SLCO1A2: variants seen among roughly 807,000 people sequenced by gnomAD.
SLCO1A2 encodes the protein OATP-1.
SLCO1A2 carries 67 observed loss-of-function variants against 69.0 expected under a neutral mutation model. That is an observed-to-expected ratio of 0.97 (90% CI 0.80 to 1.19). The LOEUF is 1.19. Ranked by LOEUF, SLCO1A2 falls within the 50% of genes most tolerant of loss-of-function variation. The pLI, the probability that SLCO1A2 is intolerant of heterozygous loss-of-function variation, is 0.00. For missense variants in SLCO1A2, 787 were observed against 793.7 expected (o/e 0.99, Z 0.10); for synonymous variants, 260 against 265.9 (o/e 0.98, Z 0.22).
rs774468129 is a variant in SLCO1A2, at chr12:21,293,666, A to T, written c.1437+279T>A. On this transcript the variant is annotated intron_variant, in intron 11 of 14. Coordinates refer to ENST00000683939, the MANE Select transcript of SLCO1A2 (RefSeq NM_001386879.1). ...CCACCAACTTTATTTCAATGATAAA[A>T]TTTTTTTAGTCCAGAGTATTTACAA... Among the ~76,000 whole-genome samples the T allele has an allele frequency of 2.6e-5, 4 of 151,866 alleles. No homozygotes were observed. The East Asian group carries it at 5.8e-4, about 22-fold the overall frequency.
intron 2 of SLCO1A2, among the ~76,000 whole-genome samples, chr12:21,340,590 C>T (rs1953034466): frequency 6.6e-6 from 1 of 152,170 alleles, no homozygotes; most frequent in South Asian, 2.1e-4. Context: ...GTGGGTAACA[C>T]TGACGTAATC....
chr12:21,280,796 G>T (rs1251315369), intron 12 of SLCO1A2, among the ~76,000 whole-genome samples: 1 of 151,916 alleles, frequency 6.6e-6, no homozygotes, highest in Non-Finnish European at 1.5e-5. Flanking sequence ...ATACAAATAT[G>T]AATCCAGCAC....
chr12:21,369,802 G>A (rs887275267), intron 2 of SLCO1A2, among the ~76,000 whole-genome samples: 9 of 152,118 alleles, frequency 5.9e-5, no homozygotes, highest in African/African-American at 2.2e-4. Flanking sequence ...AGGCTAGAGG[G>A]GATACCAAGA....
chr12:21,361,410 T>G (rs1938868102), intron 2 of SLCO1A2, among the ~76,000 whole-genome samples: 1 of 152,144 alleles, frequency 6.6e-6, no homozygotes, highest in African/African-American at 2.4e-5. Context: ...AGACGAAATG[T>G]AGATAAAACC....
At chr12:21,403,992 C>G (rs1941781472) in intron 1 of SLCO1A2, among the ~76,000 whole-genome samples, 1 of 151,860 alleles carries the variant, frequency 6.6e-6, no homozygotes, top group Non-Finnish European at 1.5e-5. Flanking sequence ...AAAATGACAC[C>G]AAAACGGGAA....
intron 8 of SLCO1A2, among the ~76,000 whole-genome samples, chr12:21,298,855 T>G (rs1053527923): frequency 5.3e-5 from 8 of 152,194 alleles, no homozygotes; most frequent in African/African-American, 1.9e-4. Context: ...TTTGCAAGAT[T>G]CTGAGTTGGC....
Position 21,276,554 on chromosome 12 carries a change from AC to A in SLCO1A2, c.1611-1131del, listed in dbSNP as rs1555105439. Among the ~76,000 whole-genome samples the A allele has an allele frequency of 3.5e-4, 50 of 144,150 alleles. 3 individuals are homozygous for A. Among genetic ancestry groups the A allele is most frequent in the Middle Eastern group, 3.6e-3 (1 of 280 alleles). The allele number at this position is 144,150 out of a possible 152,430, so 94.6% of individuals were successfully genotyped here. ...AACAACTATCTACATACAAAAAAAA[AC>A]CAAAAAAAACCTTTGTAAGAATGAA... On this transcript the variant is annotated intron_variant, in intron 12 of 14. Transcript: ENST00000683939.
chr12:21,401,186 A>G (rs1371377974), intron 1 of SLCO1A2, among the ~76,000 whole-genome samples: 1 of 151,978 alleles, frequency 6.6e-6, no homozygotes, highest in Non-Finnish European at 1.5e-5. Flanking sequence ...AACAAAATAT[A>G]TTTAATTATA....
chr12:21,304,811 GAT>G (rs1481549113), intron 5 of SLCO1A2, among the ~76,000 whole-genome samples: 1 of 152,072 alleles, frequency 6.6e-6, no homozygotes, highest in East Asian at 1.9e-4. Context: ...AGTTGGGAGA[GAT>G]GAGTATACAC....
chr12:21,349,107 G>A (rs1937726984), intron 2 of SLCO1A2, among the ~76,000 whole-genome samples: 1 of 152,144 alleles, frequency 6.6e-6, no homozygotes, highest in Non-Finnish European at 1.5e-5. Context: ...AAAAGGGGAG[G>A]AGAGAAGATC....
intron 2 of SLCO1A2, among the ~76,000 whole-genome samples, chr12:21,347,593 G>A (rs534343019): frequency 2.4e-4 from 36 of 151,530 alleles, no homozygotes; most frequent in South Asian, 1.0e-3. Flanking sequence ...TGCAGTGAGC[G>A]GATATCGTGC....
chr12:21,371,401 A>AT (rs71444118), intron 2 of SLCO1A2, among the ~76,000 whole-genome samples: 38,116 of 151,658 alleles, frequency 0.25, 5,742 homozygotes, highest in African/African-American at 0.43. Flanking sequence ...ATTTCTTTTG[A>AT]TTTTTTTTCT....
chr12:21,396,358 A>C (rs1331808372), upstream of SLCO1A2, among the ~76,000 whole-genome samples: 1 of 150,124 alleles, frequency 6.7e-6, no homozygotes, highest in Admixed American at 6.7e-5. Context: ...GCCTCCAAGA[A>C]ATATGGGACT....
intron 2 of SLCO1A2, among the ~76,000 whole-genome samples, chr12:21,322,453 T>C (rs1951749421): frequency 6.6e-6 from 1 of 152,216 alleles, no homozygotes; most frequent in African/African-American, 2.4e-5. Flanking sequence ...TGGTTTAATC[T>C]GGAAGGGCAG....
intron 2 of SLCO1A2, among the ~76,000 whole-genome samples, chr12:21,348,316 T>C (rs993106030): frequency 6.6e-6 from 1 of 152,210 alleles, no homozygotes; most frequent in African/African-American, 2.4e-5. Context: ...CACCCTGTTG[T>C]ACTATCAAAT....
Position 21,403,964 on chromosome 12 carries a change from T to C in SLCO1A2, c.-312+13918A>G, listed in dbSNP as rs1941781018. Among the ~76,000 whole-genome samples, 6 of 152,220 alleles carry C rather than the reference T, an allele frequency of 3.9e-5. No individual in the cohort carries two copies. The South Asian group carries it at 1.2e-3, about 32-fold the overall frequency. On this transcript the variant is annotated intron_variant, in intron 1 of 4. Coordinates refer to the SLCO1A2 transcript ENST00000413682. ...TTGAGCATGAGTTCAACTTTCAGTG[T>C]AGCTGGATATCTAAGAAAAAATGAC...
intron 1 of SLCO1A2, among the ~76,000 whole-genome samples, chr12:21,402,373 G>A (rs1327815820): frequency 6.6e-6 from 1 of 151,880 alleles, no homozygotes; most frequent in African/African-American, 2.4e-5. Flanking sequence ...TTATAAGAGA[G>A]GAAAATGCAA....
In SLCO1A2 at chr12:21,334,616, T is replaced by A; in HGVS notation, c.32A>T (p.His11Leu). 3 of 1,610,844 alleles carry A rather than the reference T, an allele frequency of 1.9e-6. No homozygotes were observed. Among genetic ancestry groups the A allele is most frequent in the Non-Finnish European group, 2.5e-6 (3 of 1,178,072 alleles). The change falls in exon 2 of 15, where the codon CAT becomes CTT. Residue 11 changes from histidine to leucine, a missense_variant. Physicochemically the swap from His to Leu is moderately conservative, Grantham distance 99. Transcript: ENST00000683939. ...CAACTTGGAAAGACATCTTATTCTATGGGTTTCAATTCTTTTCTCAGTTTC... is the reference window on the plus strand; with the variant it reads ...CAACTTGGAAAGACATCTTATTCTAAGGGTTTCAATTCTTTTCTCAGTTTC... MGETEKRIET[H>L]RIRCLSKLKM...
At chr12:21,372,939 C>A (rs372824285) in intron 2 of SLCO1A2, 8 of 235,480 alleles carry the variant, frequency 3.4e-5, no homozygotes, top group Middle Eastern at 1.7e-3. Context: ...AGCTTGGACT[C>A]TTTTCTTGAA....
Sources: gnomAD v4.1 joint callset for allele counts (sites outside exome capture counted in the v4.1 genomes callset) on GRCh38, gnomAD v4.1.1 for gene constraint, MANE v1.5 for transcripts, NCBI Gene and HGNC (gene_info 2026-07-23, HGNC 2026-07-21) for gene names.